The following GCH1 variants were observed in gnomAD, a reference collection of about 807,000 sequenced individuals.
GCH1 encodes GTP cyclohydrolase I.
A neutral mutation model predicts 25.9 loss-of-function variants in GCH1; 5 were observed. The observed-to-expected ratio is 0.19, with a 90% CI of 0.10 to 0.41. GCH1 has a LOEUF of 0.41. GCH1 is among the 10% of genes least tolerant of loss of function. The pLI, the probability that GCH1 is intolerant of heterozygous loss-of-function variation, is 1.00. For missense variants in GCH1, 261 were observed against 336.5 expected (o/e 0.78, Z 1.75); for synonymous variants, 159 against 129.6 (o/e 1.23, Z -1.54).
At chr14:54,855,284 T>A (rs989704861) in intron 3 of GCH1, among the ~76,000 whole-genome samples, 1 of 152,000 alleles carries the variant, frequency 6.6e-6, no homozygotes, top group South Asian at 2.1e-4. Context: ...GGTGAGCAGA[T>A]CACCTGAGGT....
At chr14:54,902,281 C>T (rs1477833578) in intron 1 of GCH1, 40 bp downstream of exon 1, 2 of 1,602,628 alleles carry the variant, frequency 1.2e-6, no homozygotes, top group African/African-American at 2.7e-5. Context: ...AGCACCGCCC[C>T]CGCCGCCCGC....
chr14:54,862,377 C>CT (rs1491222719), intron 2 of GCH1, among the ~76,000 whole-genome samples: 3,120 of 115,504 alleles, frequency 0.027, 295 homozygotes, highest in African/African-American at 0.11. Context: ...TGAAGCACTA[C>CT]TCTTTTTTTT....
At chr14:54,869,626 A>C (rs899137813) in intron 1 of GCH1, among the ~76,000 whole-genome samples, 1 of 152,134 alleles carries the variant, frequency 6.6e-6, no homozygotes, top group African/African-American at 2.4e-5. Flanking sequence ...GATTATAGAC[A>C]CATACCACCA....
chr14:54,846,886 C>A (rs1422590819), intron 4 of GCH1, among the ~76,000 whole-genome samples: 2 of 152,064 alleles, frequency 1.3e-5, no homozygotes, highest in East Asian at 3.9e-4. Context: ...TATGGTGAAA[C>A]CCCGTCTCTA....
In GCH1 at chr14:54,890,444, G is replaced by C. The variant is rs548252996; in HGVS notation, c.343+11877C>G. On this transcript the variant is annotated intron_variant, in intron 1 of 5. Transcript: ENST00000491895. ...ACCTGGGAGGTGGAGGTTGCGGTGA[G>C]ACGAGATCGCGCCATTGCACTCCAG... 2.0e-5 allele frequency among the ~76,000 whole-genome samples: 3 copies of C among 152,322 alleles called. No individual in the cohort carries two copies. In the East Asian group the frequency reaches 5.8e-4, roughly 29 times the overall value.
At chr14:54,863,076 A>G (rs1354027126) in intron 2 of GCH1, among the ~76,000 whole-genome samples, 1 of 152,094 alleles carries the variant, frequency 6.6e-6, no homozygotes, top group Non-Finnish European at 1.5e-5. Context: ...ATTAGACACT[A>G]TTTAAGAATT....
At chr14:54,849,822 C>A (rs758297312) in intron 3 of GCH1, among the ~76,000 whole-genome samples, 1 of 152,106 alleles carries the variant, frequency 6.6e-6, no homozygotes, top group Non-Finnish European at 1.5e-5. Context: ...TTCTTTAGAC[C>A]TTTCTTCCCA....
intron 3 of GCH1, among the ~76,000 whole-genome samples, chr14:54,847,363 G>A (rs2039658344): frequency 6.6e-6 from 1 of 152,166 alleles, no homozygotes; most frequent in African/African-American, 2.4e-5. Flanking sequence ...TGAGGGTGTT[G>A]CCAAAGGAGA....
intron 3 of GCH1, among the ~76,000 whole-genome samples, chr14:54,856,726 T>C (rs1168120129): frequency 1.3e-5 from 2 of 152,190 alleles, no homozygotes; most frequent in African/African-American, 4.8e-5. Context: ...GTGCTGAGAT[T>C]ACAGGCATGA....
intron 2 of GCH1, among the ~76,000 whole-genome samples, chr14:54,861,889 C>G (rs2039902346): frequency 6.6e-6 from 1 of 152,154 alleles, no homozygotes; most frequent in Non-Finnish European, 1.5e-5. Context: ...TCTCTCTATC[C>G]TCTTGAACAA....
At chr14:54,849,783 A>G (rs2039697263) in intron 3 of GCH1, among the ~76,000 whole-genome samples, 1 of 151,986 alleles carries the variant, frequency 6.6e-6, no homozygotes, top group Non-Finnish European at 1.5e-5. Context: ...CATATTTTCT[A>G]CCTGTCTTTG....
chr14:54,885,164 C>T, intron 1 of GCH1: 1 of 250,020 alleles, frequency 4.0e-6, no homozygotes. Context: ...AGGTAATCAT[C>T]CTGAATCTGA....
intron 1 of GCH1, among the ~76,000 whole-genome samples, chr14:54,871,723 G>C (rs1008811997): frequency 1.3e-5 from 2 of 152,180 alleles, no homozygotes; most frequent in African/African-American, 2.4e-5. Flanking sequence ...TAGCTGATTC[G>C]ATCAACTGGA....
In GCH1 at chr14:54,848,939, T is replaced by C. The variant is rs533204665; in HGVS notation, c.510-1809A>G. Among the ~76,000 whole-genome samples the C allele has an allele frequency of 4.6e-5, 7 of 152,364 alleles. No homozygotes were observed. The South Asian group carries it at 1.4e-3, about 32-fold the overall frequency. On this transcript the variant is annotated intron_variant, in intron 3 of 5. Transcript: ENST00000491895. ...AGTTTTTCAGGTGATTAGTTTGTTA[T>C]ATATGTAGGAGATGCCATTGATTTT...
chr14:54,892,923 AC>A (rs575149365), intron 1 of GCH1, among the ~76,000 whole-genome samples: 5 of 151,770 alleles, frequency 3.3e-5, no homozygotes, highest in Admixed American at 2.6e-4. Flanking sequence ...TGCTAAAAAT[AC>A]AAAAATTAGC....
intron 1 of GCH1, among the ~76,000 whole-genome samples, chr14:54,888,684 T>C (rs1184402847): frequency 1.5e-5 from 2 of 137,364 alleles, no homozygotes; most frequent in African/African-American, 7.0e-5. Flanking sequence ...GGCTAATTTT[T>C]TTTTTTTTTT....
At chr14:54,862,379 CTTTTTTTTTTTT>C (rs892910613) in intron 2 of GCH1, among the ~76,000 whole-genome samples, 2 of 57,398 alleles carry the variant, frequency 3.5e-5, no homozygotes, top group Admixed American at 2.3e-4. Context: ...AAGCACTACT[CTTTTTTTTTTTT>C]TTTTTTTTTT....
rs2140038597 is a variant in GCH1 at position 54,843,980 on chromosome 14, T to C, written c.*37A>G. 1.9e-6 allele frequency: 3 copies of C among 1,614,174 alleles called. No individual in the cohort carries two copies. The highest frequency in any genetic ancestry group is 2.2e-5 in the South Asian group (2 of 91,086). On this transcript the variant is annotated 3_prime_UTR_variant, in exon 6 of 6. Transcript: ENST00000491895. ...GACAGACAGACAATGCTACTGGCAG[T>C]ACGATCGGCAACCAACGCACACACA...
At chr14:54,888,183 G>C (rs2040377866) in intron 1 of GCH1, among the ~76,000 whole-genome samples, 1 of 152,120 alleles carries the variant, frequency 6.6e-6, no homozygotes, top group African/African-American at 2.4e-5. Context: ...AAAAGACAGA[G>C]ACCTGTTACT....
Sources: gnomAD v4.1 joint callset for allele counts (sites outside exome capture counted in the v4.1 genomes callset) on GRCh38, gnomAD v4.1.1 for gene constraint, MANE v1.5 for transcripts, NCBI Gene and HGNC (gene_info 2026-07-23, HGNC 2026-07-21) for gene names.